The following MACROD2 variants were observed in gnomAD, a reference collection of about 807,000 sequenced individuals.
The protein encoded by MACROD2 is mono-ADP ribosylhydrolase 2.
In MACROD2, 36 loss-of-function variants were observed where a neutral mutation model predicts 70.4. The observed-to-expected ratio is 0.51, with a 90% confidence interval of 0.39 to 0.68. The LOEUF (loss-of-function observed/expected upper bound fraction) is 0.68, where lower values mean the gene tolerates loss of function less well. MACROD2 is among the 30% of genes least tolerant of loss of function. The probability of loss-of-function intolerance (pLI) is 0.00; values close to 1 mark genes in which losing one functional copy is unlikely to be tolerated. For synonymous variants in MACROD2, 172 were observed against 178.8 expected (o/e 0.96, Z 0.30); for missense variants, 496 against 538.4 (o/e 0.92, Z 0.78).
intron 6 of MACROD2, among the ~76,000 whole-genome samples, chr20:15,311,725 C>A (rs149050815): frequency 6.6e-6 from 1 of 152,148 alleles, no homozygotes; most frequent in African/African-American, 2.4e-5. Flanking sequence ...TAAGTGGGAG[C>A]TAAATATCGA....
At chr20:14,819,818 T>C (rs1488105463) in intron 5 of MACROD2, among the ~76,000 whole-genome samples, 1 of 151,890 alleles carries the variant, frequency 6.6e-6, no homozygotes, top group South Asian at 2.1e-4. Flanking sequence ...GAAAGGACAA[T>C]GTGGCTGGGA....
chr20:14,923,791 G>C (rs936305744), intron 5 of MACROD2, among the ~76,000 whole-genome samples: 2 of 143,716 alleles, frequency 1.4e-5, no homozygotes, highest in Non-Finnish European at 3.1e-5. Flanking sequence ...CGGTGCGTTG[G>C]GGGAGGGGGG....
intron 1 of MACROD2, among the ~76,000 whole-genome samples, chr20:14,001,866 C>T (rs2052737132): frequency 6.6e-6 from 1 of 152,150 alleles, no homozygotes. Context: ...TTGAGGCTAG[C>T]ACCAGGCCAT....
chr20:15,999,179 A>T (rs1353835677), intron 15 of MACROD2, among the ~76,000 whole-genome samples: 1 of 152,064 alleles, frequency 6.6e-6, no homozygotes, highest in East Asian at 1.9e-4. Flanking sequence ...AAGTTTTGTT[A>T]TATGGTGTTT....
chr20:14,222,813 GAAAAAAAAAAAAAAAA>G (rs199573606), intron 3 of MACROD2, among the ~76,000 whole-genome samples: 59,335 of 133,230 alleles, frequency 0.45, 13,534 homozygotes, highest in Non-Finnish European at 0.54. Flanking sequence ...TTGGATTTCT[GAAAAAAAAAAAAAAAA>G]AAAAAAAAAA....
At chr20:14,878,739 T>A (rs1203493609) in intron 5 of MACROD2, among the ~76,000 whole-genome samples, 9 of 152,142 alleles carry the variant, frequency 5.9e-5, no homozygotes, top group African/African-American at 2.2e-4. Flanking sequence ...ATCCTAGTTA[T>A]TAACCAGCAG....
chr20:14,326,474 T>C lies in MACROD2; in HGVS notation c.272-167005T>C, dbSNP rs980632823. On this transcript the variant is annotated intron_variant, in intron 3 of 17. Coordinates refer to ENST00000684519, the MANE Select transcript of MACROD2 (RefSeq NM_001351661.2). The surrounding 1 kb of genome is among the most constrained non-coding windows in gnomAD (Gnocchi z 5.5). ...AACAGTTCTGCATTGAGATCCTTAATAGCCATCCCACGAACCTTTTCTGGG... is the reference window on the plus strand; with the variant it reads ...AACAGTTCTGCATTGAGATCCTTAACAGCCATCCCACGAACCTTTTCTGGG... 6.2e-7 allele frequency: 1 copy of C among 1,613,888 alleles called. No homozygotes were observed.
chr20:16,049,263 A>T (rs60822628), intron 17 of MACROD2, among the ~76,000 whole-genome samples: 4,148 of 152,146 alleles, frequency 0.027, 195 homozygotes, highest in African/African-American at 0.095. Context: ...TATGCTTAAG[A>T]TCTGTGTGTT....
chr20:15,195,298 A>G (rs1038385804), intron 5 of MACROD2, among the ~76,000 whole-genome samples: 4 of 152,196 alleles, frequency 2.6e-5, no homozygotes, highest in Admixed American at 2.6e-4. Context: ...TGAACAGACA[A>G]CCTGCAGAAT....
chr20:14,332,177 G>A (rs1264807596), intron 3 of MACROD2, among the ~76,000 whole-genome samples: 1 of 151,980 alleles, frequency 6.6e-6, no homozygotes, highest in African/African-American at 2.4e-5. Flanking sequence ...TTCATATTCA[G>A]TTTATTTTTA....
chr20:15,416,172 A>G (rs2046145845), intron 6 of MACROD2, among the ~76,000 whole-genome samples: 2 of 152,208 alleles, frequency 1.3e-5, no homozygotes, highest in Admixed American at 1.3e-4. Flanking sequence ...ACTCTGGTTG[A>G]TAAAACTCTT....
intron 5 of MACROD2, among the ~76,000 whole-genome samples, chr20:15,156,583 T>C (rs1010739207): frequency 2.6e-5 from 4 of 152,282 alleles, no homozygotes; most frequent in African/African-American, 9.6e-5. Context: ...CAAGTATCCC[T>C]TTCTACCAGA....
chr20:14,431,446 A>G (rs928918483), intron 3 of MACROD2, among the ~76,000 whole-genome samples: 4 of 152,180 alleles, frequency 2.6e-5, no homozygotes, highest in Admixed American at 6.5e-5. Flanking sequence ...CTAAAAACAC[A>G]GAAGTATTTA....
intron 5 of MACROD2, among the ~76,000 whole-genome samples, chr20:14,779,214 G>A (rs964784985): frequency 1.3e-5 from 2 of 152,028 alleles, no homozygotes; most frequent in Non-Finnish European, 2.9e-5. Context: ...CACGTCCACA[G>A]CAAATTATTT....
At chr20:14,451,197 T>G (rs2051874356) in intron 3 of MACROD2, among the ~76,000 whole-genome samples, 1 of 152,032 alleles carries the variant, frequency 6.6e-6, no homozygotes. Flanking sequence ...ATCGCAGCAC[T>G]TTGGGAGGCT....
intron 4 of MACROD2, among the ~76,000 whole-genome samples, chr20:14,503,175 G>A (rs2084932543): frequency 6.6e-6 from 1 of 152,162 alleles, no homozygotes; most frequent in Non-Finnish European, 1.5e-5. Context: ...CCACCCATGT[G>A]TATGTCCAGC....
At chr20:15,781,501 A>T (rs948727431) in intron 8 of MACROD2, among the ~76,000 whole-genome samples, 4 of 152,178 alleles carry the variant, frequency 2.6e-5, no homozygotes, top group African/African-American at 9.6e-5. Context: ...TAGCAGGCTC[A>T]GTTTCTGATG....
chr20:15,619,987 C>G (rs965148692), intron 8 of MACROD2, among the ~76,000 whole-genome samples: 1 of 152,006 alleles, frequency 6.6e-6, no homozygotes, highest in Non-Finnish European at 1.5e-5. Flanking sequence ...GTGGTCTAAA[C>G]GAATCTTCAT....
intron 5 of MACROD2, among the ~76,000 whole-genome samples, chr20:15,104,314 G>A (rs1162247666): frequency 6.6e-6 from 1 of 152,098 alleles, no homozygotes; most frequent in Non-Finnish European, 1.5e-5. Context: ...ATTCATTTAT[G>A]CCTTGGTGAA....
Sources: allele counts gnomAD v4.1 joint callset (sites outside exome capture counted in the v4.1 genomes callset), GRCh38; gene constraint gnomAD v4.1.1; non-coding constraint Gnocchi (gnomAD v3.1); transcripts MANE v1.5; gene names NCBI Gene and HGNC (gene_info 2026-07-23, HGNC 2026-07-21).